The following COL28A1 variants were observed in gnomAD, a reference collection of about 807,000 sequenced individuals.
COL28A1 encodes the protein collagen alpha-1(XXVIII) chain.
A neutral mutation model predicts 150.2 loss-of-function variants in COL28A1; 161 were observed. That is an observed-to-expected ratio of 1.07 (90% CI 0.94 to 1.22). The LOEUF is 1.22. Ranked by LOEUF, COL28A1 falls within the 50% of genes most tolerant of loss-of-function variation. The probability of loss-of-function intolerance (pLI) is 0.00; values close to 1 mark genes in which losing one functional copy is unlikely to be tolerated. For synonymous variants in COL28A1, 552 were observed against 469.7 expected (o/e 1.18, Z -2.26); for missense variants, 1,617 against 1,388.3 (o/e 1.16, Z -2.62).
intron 11 of COL28A1, among the ~76,000 whole-genome samples, chr7:7,501,571 T>C (rs1249347316): frequency 2.6e-4 from 39 of 152,340 alleles, no homozygotes; most frequent in Non-Finnish European, 1.0e-4. Flanking sequence ...TTACCTAATA[T>C]AGGCTGGGCA....
chr7:7,509,337 G>T (rs1164361673), intron 9 of COL28A1, among the ~76,000 whole-genome samples: 2 of 151,750 alleles, frequency 1.3e-5, no homozygotes, highest in African/African-American at 4.8e-5. Context: ...TGCCCAGGCT[G>T]GTCTCAAACT....
intron 27 of COL28A1, among the ~76,000 whole-genome samples, chr7:7,394,486 T>C (rs1782728207): frequency 6.6e-6 from 1 of 152,236 alleles, no homozygotes; most frequent in South Asian, 2.1e-4. Context: ...TTTCGTAAGG[T>C]TTATTTAACT....
At chr7:7,429,788 G>A (rs1784851774) in intron 25 of COL28A1, among the ~76,000 whole-genome samples, 1 of 152,148 alleles carries the variant, frequency 6.6e-6, no homozygotes. Flanking sequence ...CGTGCAGACA[G>A]GTAGGTCCTA....
Position 7,482,712 on chromosome 7 carries a change from T to A in COL28A1, c.1165-5532A>T, listed in dbSNP as rs35772304. On this transcript the variant is annotated intron_variant, in intron 13 of 34. Coordinates refer to ENST00000399429, the MANE Select transcript of COL28A1 (RefSeq NM_001037763.3). ...AGAATTTCATGTTCTGGTAATATTG[T>A]TAAAAACTCTCAACTACAAACAGTT... 4.7e-3 allele frequency among the ~76,000 whole-genome samples: 714 copies of A among 152,288 alleles called. 5 individuals are homozygous for A. The highest frequency in any genetic ancestry group is 0.022 in the East Asian group (115 of 5,184).
intron 25 of COL28A1, among the ~76,000 whole-genome samples, chr7:7,421,990 T>C (rs565487428): frequency 8.7e-4 from 132 of 152,286 alleles, no homozygotes; most frequent in African/African-American, 3.1e-3. Context: ...ATGAAAACCC[T>C]GTAGTACATA....
At chr7:7,453,655 C>A in intron 16 of COL28A1, 147 bp from the exon 17 acceptor site, 1 of 602,048 alleles carries the variant, frequency 1.7e-6, no homozygotes, top group Non-Finnish European at 2.9e-6. Flanking sequence ...GCTAGTTAAA[C>A]CACAATTTGC....
chr7:7,432,857 A>T (rs1225963400), intron 23 of COL28A1, among the ~76,000 whole-genome samples, 157 bp from the exon 24 acceptor site: 1 of 152,190 alleles, frequency 6.6e-6, no homozygotes, highest in Non-Finnish European at 1.5e-5. Flanking sequence ...AAAATTATAA[A>T]TTTTTAGTGC....
At chr7:7,518,020 C>A (rs541619302) in intron 6 of COL28A1, among the ~76,000 whole-genome samples, 183 bp from the exon 7 acceptor site, 2 of 150,932 alleles carry the variant, frequency 1.3e-5, no homozygotes, top group Non-Finnish European at 3.0e-5. Flanking sequence ...CTCAGATAAA[C>A]TTTGCCCTTT....
chr7:7,417,692 A>G lies in COL28A1; in HGVS notation c.2136+167T>C, dbSNP rs934954875. ...GCATTTGCTGAAGTATTGTACTCAT[A>G]CCATTTTTACACTTCCAGATGATGT... On this transcript the variant is annotated intron_variant, in intron 27 of 34. Coordinates refer to ENST00000399429, the MANE Select transcript of COL28A1 (RefSeq NM_001037763.3). 7.5e-6 allele frequency: 5 copies of G among 668,188 alleles called. No homozygotes were observed. The African/African-American group carries it at 9.1e-5, about 12-fold the overall frequency. The allele number at this position is 668,188 out of a possible 1,614,324, so 41.4% of individuals were successfully genotyped here.
chr7:7,505,563 G>A (rs867144495), intron 11 of COL28A1, among the ~76,000 whole-genome samples: 2 of 152,172 alleles, frequency 1.3e-5, no homozygotes, highest in South Asian at 2.1e-4. Context: ...GGTGCTGATG[G>A]TTGAGATTTC....
At chr7:7,338,309 A>T in the COL28A1 span, among the ~76,000 whole-genome samples, 3 of 152,104 alleles carry the variant, frequency 2.0e-5, no homozygotes, top group African/African-American at 7.2e-5. Flanking sequence ...AGCAATATTA[A>T]TTCTTTTAAT....
At chr7:7,341,113 CA>C in the COL28A1 span, among the ~76,000 whole-genome samples, 1 of 152,176 alleles carries the variant, frequency 6.6e-6, no homozygotes, top group Admixed American at 6.5e-5. Context: ...AAGGCCAGAA[CA>C]GGCTCTGGAA....
At chr7:7,374,069 A>G (rs941465763) in intron 31 of COL28A1, among the ~76,000 whole-genome samples, 1 of 146,426 alleles carries the variant, frequency 6.8e-6, no homozygotes, top group Non-Finnish European at 1.5e-5. Context: ...ATACTTGGAA[A>G]AACACCGTAG....
At chr7:7,508,183 G>A (rs1459443663) in intron 9 of COL28A1, among the ~76,000 whole-genome samples, 1 of 151,160 alleles carries the variant, frequency 6.6e-6, no homozygotes. Flanking sequence ...AGTGAGCTGA[G>A]ATCGCGCCAC....
chr7:7,419,844 G>C, intron 26 of COL28A1, 41 bp downstream of exon 26: 2 of 1,321,418 alleles, frequency 1.5e-6, no homozygotes, highest in Non-Finnish European at 2.1e-6. Flanking sequence ...TGTCACTGAT[G>C]ATATCTGACC....
intron 27 of COL28A1, among the ~76,000 whole-genome samples, chr7:7,383,842 G>A (rs951598063): frequency 6.6e-6 from 1 of 151,796 alleles, no homozygotes; most frequent in African/African-American, 2.4e-5. Flanking sequence ...AATATTTTAA[G>A]AATATCCTTT....
At chr7:7,496,969 G>T (rs1780241680) in intron 11 of COL28A1, among the ~76,000 whole-genome samples, 1 of 150,598 alleles carries the variant, frequency 6.6e-6, no homozygotes, top group South Asian at 2.1e-4. Context: ...ACTCAGTGAA[G>T]TGATGACTGT....
At chr7:7,398,673 TAA>T (rs1477059219) in intron 27 of COL28A1, among the ~76,000 whole-genome samples, 1 of 152,228 alleles carries the variant, frequency 6.6e-6, no homozygotes, top group Non-Finnish European at 1.5e-5. Context: ...CAGCTATCTG[TAA>T]AACCTGCCAA....
intron 23 of COL28A1, among the ~76,000 whole-genome samples, chr7:7,434,011 A>G (rs190629178): frequency 6.6e-6 from 1 of 152,298 alleles, no homozygotes; most frequent in African/African-American, 2.4e-5. Flanking sequence ...ATTCTCAACT[A>G]TACTCCAATA....
Sources: gnomAD v4.1 joint callset for allele counts (sites outside exome capture counted in the v4.1 genomes callset) on GRCh38, gnomAD v4.1.1 for gene constraint, MANE v1.5 for transcripts, NCBI Gene and HGNC (gene_info 2026-07-23, HGNC 2026-07-21) for gene names.